PDLIM5: variants seen among roughly 807,000 people sequenced by gnomAD.
PDLIM5 encodes the protein PDZ and LIM domain protein 5.
A neutral mutation model predicts 64.2 loss-of-function variants in PDLIM5; 34 were observed. The ratio of observed to expected loss-of-function variants is 0.53; its 90% CI spans 0.40 to 0.71. The LOEUF is 0.71. PDLIM5 is among the 30% of genes least tolerant of loss of function. PDLIM5 has a pLI of 0.00. For synonymous variants in PDLIM5, 253 were observed against 269.1 expected, an observed-to-expected ratio of 0.94 and a Z score of 0.59; for missense variants, 683 against 733.6, an observed-to-expected ratio of 0.93 and a Z score of 0.80.
At chr4:94,531,781 G>A (rs1236949475) in intron 3 of PDLIM5, among the ~76,000 whole-genome samples, 2 of 152,084 alleles carry the variant, frequency 1.3e-5, no homozygotes, top group African/African-American at 2.4e-5. Flanking sequence ...ATGCATAATA[G>A]GGGTCACTCT....
chr4:94,637,221 G>C (rs1038626583), intron 8 of PDLIM5, among the ~76,000 whole-genome samples: 1 of 152,164 alleles, frequency 6.6e-6, no homozygotes, highest in Non-Finnish European at 1.5e-5. Context: ...AATTAAAAAA[G>C]TGGTACTAAT....
chr4:94,635,571 C>A (rs1193497286), intron 8 of PDLIM5, among the ~76,000 whole-genome samples: 1 of 152,138 alleles, frequency 6.6e-6, no homozygotes, highest in African/African-American at 2.4e-5. Flanking sequence ...GGGTTCAATG[C>A]ATTTGGAGCA....
chr4:94,579,481 G>T (rs754300772), intron 5 of PDLIM5: 4 of 1,094,136 alleles, frequency 3.7e-6, no homozygotes, highest in Non-Finnish European at 3.9e-6. Context: ...AAAAAAAAAT[G>T]ATGTGGTAGT....
intron 3 of PDLIM5, among the ~76,000 whole-genome samples, chr4:94,558,877 G>A (rs1578373476): frequency 1.3e-5 from 2 of 152,004 alleles, no homozygotes; most frequent in Admixed American, 6.6e-5. Flanking sequence ...GTAAGTAGAT[G>A]ATCTTAAATG....
In PDLIM5 at chr4:94,667,783, C is replaced by T. The variant is rs765720512; in HGVS notation, c.*3716C>T. ...ATAGCATTATGTTTAAAATAATCTACAACAAAAATGTACCATTTTCAAGCA... is the reference window on the plus strand; with the variant it reads ...ATAGCATTATGTTTAAAATAATCTATAACAAAAATGTACCATTTTCAAGCA... On this transcript the variant is annotated 3_prime_UTR_variant, in exon 13 of 13. Transcript: ENST00000317968. 1 of 152,038 alleles carries T rather than the reference C, an allele frequency of 6.6e-6. No homozygotes were observed. Among genetic ancestry groups the T allele is most frequent in the South Asian group, 2.1e-4 (1 of 4,820 alleles). The allele number at this position is 152,038 out of a possible 1,614,324, so 9.4% of individuals were successfully genotyped here. A position where few individuals can be genotyped will look rare whatever the true frequency, so the allele number is the denominator to read the frequency against.
chr4:94,586,957 CTTTTTTT>C (rs70946535), intron 7 of PDLIM5: 27 of 1,194,878 alleles, frequency 2.3e-5, no homozygotes, highest in Admixed American at 8.8e-5. Context: ...TTCTATCACT[CTTTTTTT>C]TTTTTTTTTT....
At chr4:94,608,019 T>G in intron 7 of PDLIM5, 1 of 1,418,134 alleles carries the variant, frequency 7.1e-7, no homozygotes, top group Non-Finnish European at 9.5e-7. Context: ...TTTTCATTAA[T>G]ATTTCCTTTG....
At chr4:94,522,112 C>T (rs901781614) in intron 2 of PDLIM5, among the ~76,000 whole-genome samples, 21 of 152,204 alleles carry the variant, frequency 1.4e-4, no homozygotes, top group Admixed American at 1.2e-3. Context: ...CTAGTGCAGG[C>T]CCTGCATTTC....
At chr4:94,648,006 G>A (rs1182357813) in intron 9 of PDLIM5, among the ~76,000 whole-genome samples, 1 of 152,158 alleles carries the variant, frequency 6.6e-6, no homozygotes, top group Admixed American at 6.5e-5. Flanking sequence ...ATTGAATGCA[G>A]CTAAAGCAGT....
At chr4:94,567,641 A>G (rs1036286594) in intron 3 of PDLIM5, among the ~76,000 whole-genome samples, 1 of 152,146 alleles carries the variant, frequency 6.6e-6, no homozygotes, top group African/African-American at 2.4e-5. Flanking sequence ...TGCAGGGTGC[A>G]TCCTTTTCAC....
At position 94,639,836 on chromosome 4, in the gene PDLIM5, G is replaced by A. The variant is rs866339655; in HGVS notation, c.1109-440G>A. Among the ~76,000 whole-genome samples, 17 of 151,900 alleles carry A rather than the reference G, an allele frequency of 1.1e-4. No homozygotes were observed. In the Middle Eastern group the frequency reaches 0.017, roughly 152 times the overall value. On this transcript the variant is annotated intron_variant, in intron 8 of 12. Coordinates refer to ENST00000317968, the MANE Select transcript of PDLIM5 (RefSeq NM_006457.5). ...CTGAGGTCAGGAGTTCAAGACCAGC[G>A]GACCAACATGGAGAAACCCCGTCTC...
intron 10 of PDLIM5, among the ~76,000 whole-genome samples, 153 bp downstream of exon 10, chr4:94,654,793 T>C (rs941854288): frequency 6.6e-5 from 10 of 152,236 alleles, no homozygotes; most frequent in Admixed American, 2.0e-4. Context: ...CAAAACTAAA[T>C]AGACCTCTGT....
chr4:94,575,537 GCT>G, intron 4 of PDLIM5, 77 bp from the exon 5 acceptor site: 1 of 996,356 alleles, frequency 1.0e-6, no homozygotes, highest in Non-Finnish European at 1.5e-6. Context: ...TAAAAAATCA[GCT>G]CTGTGTTCTT....
intron 11 of PDLIM5, among the ~76,000 whole-genome samples, chr4:94,659,486 ATGTGTGTATGTGTGTGTGTGTGTGTG>A (rs1182108996): frequency 7.2e-4 from 82 of 113,416 alleles, no homozygotes; most frequent in African/African-American, 2.8e-3. Context: ...TGTAGTATAT[ATGTGTGTATGTGTGTGTGTGTGTGTG>A]TGTGTGTGTG....
intron 2 of PDLIM5, among the ~76,000 whole-genome samples, chr4:94,505,255 C>G (rs973813164): frequency 6.6e-6 from 1 of 151,618 alleles, no homozygotes; most frequent in African/African-American, 2.4e-5. Context: ...AGATGCCAGT[C>G]TTAAGTCACT....
chr4:94,581,912 C>T lies in PDLIM5; in HGVS notation c.711-3653C>T, dbSNP rs577728421. Among the ~76,000 whole-genome samples, 16 of 152,284 alleles carry T rather than the reference C, an allele frequency of 1.1e-4. No individual in the cohort carries two copies. The South Asian group carries it at 2.1e-3, about 20-fold the overall frequency. ...TTCCTTTACCATGTCTTATCAGACA[C>T]GCCTTCTGGGCAATAATTATATCAC... On this transcript the variant is annotated intron_variant, in intron 5 of 12. Coordinates refer to ENST00000317968, the MANE Select transcript of PDLIM5 (RefSeq NM_006457.5).
At chr4:94,642,051 G>A (rs995400593) in intron 9 of PDLIM5, among the ~76,000 whole-genome samples, 15 of 152,126 alleles carry the variant, frequency 9.9e-5, no homozygotes, top group Non-Finnish European at 1.8e-4. Context: ...AGTACTACCT[G>A]CATTTAGCTG....
At chr4:94,622,509 G>A (rs926781291) in intron 8 of PDLIM5, among the ~76,000 whole-genome samples, 1 of 152,130 alleles carries the variant, frequency 6.6e-6, no homozygotes, top group Non-Finnish European at 1.5e-5. Context: ...GATAGATCTG[G>A]ACCCGTTGTT....
At chr4:94,489,110 A>G (rs1042735646) in intron 2 of PDLIM5, 1 of 152,198 alleles carries the variant, frequency 6.6e-6, no homozygotes, top group Non-Finnish European at 1.5e-5. Flanking sequence ...GTAGCCCTGG[A>G]AGATTTGGCA....
Sources: allele counts gnomAD v4.1 joint callset (sites outside exome capture counted in the v4.1 genomes callset), GRCh38; gene constraint gnomAD v4.1.1; transcripts MANE v1.5; gene names NCBI Gene and HGNC (gene_info 2026-07-23, HGNC 2026-07-21).